GAS2: variants seen among roughly 807,000 people sequenced by gnomAD.
GAS2 encodes growth arrest specific 2, also known as growth arrest-specific protein 2.
GAS2 carries 20 observed loss-of-function variants against 37.5 expected under a neutral mutation model. The ratio of observed to expected loss-of-function variants is 0.53; its 90% CI spans 0.37 to 0.77. The LOEUF is 0.77. Among genes scored for constraint, GAS2 ranks in the 30% least tolerant of loss-of-function variants. The probability of loss-of-function intolerance (pLI) is 0.00; values close to 1 mark genes in which losing one functional copy is unlikely to be tolerated. For synonymous variants in GAS2, 144 were observed against 132.2 expected (o/e 1.09, Z -0.61); for missense variants, 336 against 373.4 (o/e 0.90, Z 0.82).
intron 3 of GAS2, among the ~76,000 whole-genome samples, chr11:22,716,778 G>C (rs1851701795): frequency 1.3e-5 from 2 of 152,236 alleles, no homozygotes; most frequent in South Asian, 4.1e-4. Flanking sequence ...TCCTAGATCT[G>C]ATTAATGAAT....
chr11:22,744,532 A>G (rs1420093957), intron 5 of GAS2, among the ~76,000 whole-genome samples: 1 of 152,244 alleles, frequency 6.6e-6, no homozygotes, highest in Non-Finnish European at 1.5e-5. Context: ...ACATAAACAG[A>G]ATTAAAAACA....
At chr11:22,767,298 A>T (rs966519206) in intron 7 of GAS2, among the ~76,000 whole-genome samples, 2 of 152,118 alleles carry the variant, frequency 1.3e-5, no homozygotes, top group Non-Finnish European at 2.9e-5. Flanking sequence ...ATGAAAATTT[A>T]TATCTAAATT....
At chr11:22,648,916 C>G (rs1407257644) in intron 1 of GAS2, among the ~76,000 whole-genome samples, 9 of 151,856 alleles carry the variant, frequency 5.9e-5, no homozygotes, top group Non-Finnish European at 8.8e-5. Flanking sequence ...ATTTCCTTCT[C>G]CTGCCTAATT....
chr11:22,789,542 A>G (rs1341601287), intron 7 of GAS2, among the ~76,000 whole-genome samples: 5 of 138,256 alleles, frequency 3.6e-5, no homozygotes, highest in Non-Finnish European at 6.2e-5. Flanking sequence ...GCTCACTGCA[A>G]GCTCCACCTA....
intron 1 of GAS2, among the ~76,000 whole-genome samples, chr11:22,651,620 T>C (rs963900568): frequency 1.3e-5 from 2 of 152,126 alleles, no homozygotes; most frequent in African/African-American, 4.8e-5. Context: ...GCTCATTTCT[T>C]TTTATTCTTT....
chr11:22,788,249 A>G (rs1462849323), intron 7 of GAS2, among the ~76,000 whole-genome samples: 1 of 152,208 alleles, frequency 6.6e-6, no homozygotes, highest in African/African-American at 2.4e-5. Context: ...ATTATCACTG[A>G]GATTTAGAAT....
At chr11:22,749,036 C>T in intron 5 of GAS2, 84 bp from the exon 6 acceptor site, 1 of 1,269,678 alleles carries the variant, frequency 7.9e-7, no homozygotes, top group Non-Finnish European at 1.1e-6. Context: ...GATTTACTCC[C>T]ATGGTGCTCA....
intron 2 of GAS2, among the ~76,000 whole-genome samples, chr11:22,680,652 A>C (rs1417781629): frequency 1.3e-5 from 2 of 152,140 alleles, no homozygotes; most frequent in Non-Finnish European, 2.9e-5. Context: ...GCCATTCTCC[A>C]GTCTACAAGG....
At chr11:22,638,795 T>A (rs1270587475) in intron 1 of GAS2, among the ~76,000 whole-genome samples, 3 of 152,152 alleles carry the variant, frequency 2.0e-5, no homozygotes, top group Admixed American at 6.5e-5. Flanking sequence ...CTTGATGAAA[T>A]AATATTTCTT....
chr11:22,633,778 C>G (rs1210794512), intron 1 of GAS2, among the ~76,000 whole-genome samples: 4 of 152,172 alleles, frequency 2.6e-5, no homozygotes, highest in Admixed American at 2.6e-4. Context: ...ACCCAGTGTT[C>G]TAGCTATTCA....
At chr11:22,671,586 G>A (rs1279847916) in intron 1 of GAS2, among the ~76,000 whole-genome samples, 2 of 152,036 alleles carry the variant, frequency 1.3e-5, no homozygotes, top group African/African-American at 4.8e-5. Flanking sequence ...TTTTTAAAAA[G>A]TTACCCCTTG....
At chr11:22,644,296 A>T (rs1297044863) in intron 1 of GAS2, among the ~76,000 whole-genome samples, 1 of 152,208 alleles carries the variant, frequency 6.6e-6, no homozygotes, top group Non-Finnish European at 1.5e-5. Context: ...GCTCCCTAGC[A>T]TTCAAAATAA....
At chr11:22,677,486 T>C (rs569556008) in intron 2 of GAS2, among the ~76,000 whole-genome samples, 46 of 152,324 alleles carry the variant, frequency 3.0e-4, no homozygotes, top group Non-Finnish European at 5.6e-4. Flanking sequence ...TGAGAAGCCA[T>C]TGAAATGTTC....
At chr11:22,724,997 A>G (rs1301667673) in intron 3 of GAS2, among the ~76,000 whole-genome samples, 1 of 152,024 alleles carries the variant, frequency 6.6e-6, no homozygotes, top group Non-Finnish European at 1.5e-5. Context: ...CACTGTGAAT[A>G]TAAGAAAGAT....
intron 3 of GAS2, among the ~76,000 whole-genome samples, chr11:22,704,606 T>C (rs1851011635): frequency 7.0e-6 from 1 of 141,858 alleles, no homozygotes; most frequent in Non-Finnish European, 1.5e-5. Flanking sequence ...TATATATATA[T>C]ATATATATAT....
At chr11:22,695,685 A>G (rs2133991540) in intron 3 of GAS2, among the ~76,000 whole-genome samples, 1 of 152,316 alleles carries the variant, frequency 6.6e-6, no homozygotes, top group South Asian at 2.1e-4. Context: ...TCAGTGGAAA[A>G]TTCTTCCATA....
At chr11:22,739,158 A>G (rs550473579) in intron 5 of GAS2, among the ~76,000 whole-genome samples, 12 of 152,242 alleles carry the variant, frequency 7.9e-5, no homozygotes, top group Admixed American at 2.6e-4. Context: ...CAGGATAAAG[A>G]TATACCTCTT....
intron 6 of GAS2, among the ~76,000 whole-genome samples, chr11:22,754,986 T>G (rs1208662946): frequency 6.6e-6 from 1 of 152,164 alleles, no homozygotes; most frequent in Non-Finnish European, 1.5e-5. Context: ...TGTTTTGGGT[T>G]GTTTGGTTGG....
At chr11:22,659,177 T>C (rs569583644) in intron 1 of GAS2, among the ~76,000 whole-genome samples, 1 of 152,328 alleles carries the variant, frequency 6.6e-6, no homozygotes, top group Non-Finnish European at 1.5e-5. Flanking sequence ...AGGCGATTAA[T>C]GTGTGAAACT....
Sources: gnomAD v4.1 joint callset for allele counts (sites outside exome capture counted in the v4.1 genomes callset) on GRCh38, gnomAD v4.1.1 for gene constraint, MANE v1.5 for transcripts, NCBI Gene and HGNC (gene_info 2026-07-23, HGNC 2026-07-21) for gene names.